JAKMIP2: variants seen among roughly 807,000 people sequenced by gnomAD.
JAKMIP2 encodes janus kinase and microtubule-interacting protein 2.
A neutral mutation model predicts 115.0 loss-of-function variants in JAKMIP2; 25 were observed. That is an observed-to-expected ratio of 0.22 (90% CI 0.16 to 0.30). JAKMIP2 has a LOEUF of 0.30. Ranked by LOEUF, JAKMIP2 falls within the 10% of genes least tolerant of loss-of-function variation. The pLI, the probability that JAKMIP2 is intolerant of heterozygous loss-of-function variation, is 1.00. For missense variants in JAKMIP2, 642 were observed against 957.6 expected (o/e 0.67, Z 4.35); for synonymous variants, 334 against 343.6 (o/e 0.97, Z 0.31).
chr5:147,750,364 G>T (rs1191350544), intron 1 of JAKMIP2, among the ~76,000 whole-genome samples: 2 of 152,044 alleles, frequency 1.3e-5, no homozygotes, highest in African/African-American at 4.8e-5. Context: ...TGTGATAAAG[G>T]CCCCATGGGG....
chr5:147,690,269 G>A (rs7723843), intron 1 of JAKMIP2, among the ~76,000 whole-genome samples: 24,286 of 151,724 alleles, frequency 0.16, 2,241 homozygotes, highest in African/African-American at 0.24. Flanking sequence ...GAAGGTTGAG[G>A]GTGCAGTGAG....
At chr5:147,650,031 G>A (rs77008573) in intron 4 of JAKMIP2, among the ~76,000 whole-genome samples, 11,926 of 152,102 alleles carry the variant, frequency 0.078, 622 homozygotes, top group Admixed American at 0.14. Flanking sequence ...TAGGCAAGAG[G>A]CAAAATATTT....
chr5:147,684,358 T>G (rs78656485), intron 1 of JAKMIP2, among the ~76,000 whole-genome samples: 3 of 151,634 alleles, frequency 2.0e-5, no homozygotes, highest in Non-Finnish European at 4.4e-5. Context: ...AATTGTATCA[T>G]GAGGCCAAGA....
intron 17 of JAKMIP2, among the ~76,000 whole-genome samples, chr5:147,621,644 G>A (rs1756852541): frequency 6.6e-6 from 1 of 152,066 alleles, no homozygotes; most frequent in Non-Finnish European, 1.5e-5. Context: ...AGCTTTCTTG[G>A]CCAAATATAA....
intron 1 of JAKMIP2, 64 bp downstream of exon 1, chr5:147,782,392 T>C: frequency 1.3e-6 from 2 of 1,496,476 alleles, no homozygotes. Flanking sequence ...AGGCCAGAAA[T>C]GTATACACAG....
chr5:147,690,672 T>C (rs890533532), intron 1 of JAKMIP2, among the ~76,000 whole-genome samples: 1 of 151,392 alleles, frequency 6.6e-6, no homozygotes, highest in African/African-American at 2.4e-5. Context: ...ACAGGGTCCA[T>C]CTCACTGAGG....
intron 5 of JAKMIP2, among the ~76,000 whole-genome samples, chr5:147,648,052 A>T (rs988921506): frequency 6.6e-6 from 1 of 152,236 alleles, no homozygotes; most frequent in East Asian, 1.9e-4. Context: ...GACAAAAAAG[A>T]GAAAATATTG....
At chr5:147,662,057 T>G (rs1759015178) in intron 2 of JAKMIP2, 2 of 151,286 alleles carry the variant, frequency 1.3e-5, no homozygotes, top group Admixed American at 6.6e-5. Flanking sequence ...TTTTTTTTTT[T>G]GAAGAGATGC....
chr5:147,624,024 G>A (rs1473017402), intron 16 of JAKMIP2, among the ~76,000 whole-genome samples: 1 of 151,776 alleles, frequency 6.6e-6, no homozygotes, highest in Non-Finnish European at 1.5e-5. Flanking sequence ...TAGTAGAGAC[G>A]GGGTTTCACC....
chr5:147,742,153 A>AT (rs759308175), intron 1 of JAKMIP2, among the ~76,000 whole-genome samples: 11 of 110,366 alleles, frequency 1.0e-4, no homozygotes, highest in African/African-American at 1.6e-4. Context: ...ATATATATAT[A>AT]TATTTTTTTT....
At chr5:147,593,722 C>A (rs1755210588) in intron 21 of JAKMIP2, among the ~76,000 whole-genome samples, 2 of 152,124 alleles carry the variant, frequency 1.3e-5, no homozygotes, top group South Asian at 4.1e-4. Flanking sequence ...TAAGACAGAG[C>A]CTGAGTGAAG....
intron 1 of JAKMIP2, among the ~76,000 whole-genome samples, chr5:147,718,159 G>A (rs1753095094): frequency 6.6e-6 from 1 of 150,722 alleles, no homozygotes; most frequent in Admixed American, 6.6e-5. Flanking sequence ...TTATTGATTT[G>A]CATATATTGA....
At chr5:147,654,839 G>C (rs1719743162) in intron 3 of JAKMIP2, among the ~76,000 whole-genome samples, 1 of 152,102 alleles carries the variant, frequency 6.6e-6, no homozygotes, top group African/African-American at 2.4e-5. Context: ...TATGATATTG[G>C]CTATGGGTTT....
intron 1 of JAKMIP2, among the ~76,000 whole-genome samples, chr5:147,691,446 T>C (rs952264852): frequency 3.3e-5 from 5 of 152,106 alleles, no homozygotes; most frequent in Admixed American, 1.3e-4. Flanking sequence ...CTATTCCAAG[T>C]AGCATTCTTT....
intron 1 of JAKMIP2, among the ~76,000 whole-genome samples, chr5:147,727,660 C>A (rs544936778): frequency 2.2e-4 from 34 of 152,172 alleles, no homozygotes; most frequent in African/African-American, 7.5e-4. Context: ...CAACATAGAG[C>A]CAAAACATCT....
chr5:147,629,622 A>T, intron 15 of JAKMIP2, 71 bp downstream of exon 15: 1 of 1,031,100 alleles, frequency 9.7e-7, no homozygotes, highest in Non-Finnish European at 1.5e-6. Flanking sequence ...TTTACACATG[A>T]TGCATTGTTA....
intron 1 of JAKMIP2, among the ~76,000 whole-genome samples, chr5:147,697,581 C>G (rs892000788): frequency 6.6e-6 from 1 of 152,218 alleles, no homozygotes; most frequent in South Asian, 2.1e-4. Flanking sequence ...TCTAGGGCCA[C>G]CCTGCTGTGT....
rs1036679210 is a variant in JAKMIP2 at position 147,782,261 on chromosome 5, A to T, written c.-149+195T>A. ...AATCAGAACACCATTTTTTTTTTTT[A>T]AACACAAGAGGTTGTCTTCTCACTT... is the stretch of plus-strand genomic sequence containing the variant. On this transcript the variant is annotated intron_variant, in intron 1 of 21. Transcript: ENST00000616793. Among the ~76,000 whole-genome samples the T allele has an allele frequency of 1.2e-4, 18 of 150,400 alleles. 1 individual carries two copies. The highest frequency in any genetic ancestry group is 2.0e-4 in the Admixed American group (3 of 15,174).
intron 21 of JAKMIP2, among the ~76,000 whole-genome samples, chr5:147,600,372 CT>C (rs1215047681): frequency 6.6e-6 from 1 of 152,094 alleles, no homozygotes; most frequent in African/African-American, 2.4e-5. Context: ...TAACTCTTTG[CT>C]TGTATCAGGT....
Sources: allele counts gnomAD v4.1 joint callset (sites outside exome capture counted in the v4.1 genomes callset), GRCh38; gene constraint gnomAD v4.1.1; transcripts MANE v1.5; gene names NCBI Gene and HGNC (gene_info 2026-07-23, HGNC 2026-07-21).